Variants in ASCC3 observed in about 807,000 individuals in gnomAD.
ASCC3 encodes the protein activating signal cointegrator 1 complex subunit 3.
ASCC3 carries 158 observed loss-of-function variants against 256.3 expected under a neutral mutation model. That is an observed-to-expected ratio of 0.62 (90% CI 0.54 to 0.70). ASCC3 has a LOEUF of 0.70. Ranked by LOEUF, ASCC3 falls within the 30% of genes least tolerant of loss-of-function variation. The pLI is 0.00. For missense variants in ASCC3, 2,259 were observed against 2,626.0 expected (o/e 0.86, Z 3.05); for synonymous variants, 948 against 883.4 (o/e 1.07, Z -1.30).
chr6:100,609,769 G>T (rs1773300015), intron 30 of ASCC3, among the ~76,000 whole-genome samples: 1 of 151,948 alleles, frequency 6.6e-6, no homozygotes, highest in Non-Finnish European at 1.5e-5. Context: ...AAATTAGCTG[G>T]GCATGGTGGT....
chr6:100,787,699 T>C (rs946867962), intron 8 of ASCC3, among the ~76,000 whole-genome samples: 8 of 152,110 alleles, frequency 5.3e-5, no homozygotes, highest in Non-Finnish European at 7.4e-5. Context: ...AACAAACGTT[T>C]AACAAACATG....
At chr6:100,730,801 T>C (rs1436377938) in intron 10 of ASCC3, among the ~76,000 whole-genome samples, 2 of 152,192 alleles carry the variant, frequency 1.3e-5, no homozygotes, top group Non-Finnish European at 2.9e-5. Flanking sequence ...ACAAATCAGT[T>C]AGTTCCACTC....
intron 36 of ASCC3, among the ~76,000 whole-genome samples, chr6:100,569,664 G>A (rs533367696): frequency 2.0e-5 from 3 of 152,252 alleles, no homozygotes; most frequent in African/African-American, 4.8e-5. Context: ...GATTACAGGC[G>A]TGGCGCGGTC....
intron 8 of ASCC3, among the ~76,000 whole-genome samples, chr6:100,774,847 G>T (rs1782112552): frequency 6.6e-6 from 1 of 152,084 alleles, no homozygotes; most frequent in Non-Finnish European, 1.5e-5. Flanking sequence ...TTTAAAATTA[G>T]ATTACATCAT....
At chr6:100,697,256 C>T in intron 13 of ASCC3, among the ~76,000 whole-genome samples, 1 of 151,674 alleles carries the variant, frequency 6.6e-6, no homozygotes. Flanking sequence ...AAAATAGTAC[C>T]TAGTTAACAA....
Position 100,659,906 on chromosome 6 carries a change from A to G in ASCC3, c.2703+1900T>C, listed in dbSNP as rs530833665. Among the ~76,000 whole-genome samples, 3 of 151,648 alleles carry G rather than the reference A, an allele frequency of 2.0e-5. No homozygotes were observed. In the South Asian group the frequency reaches 6.2e-4, roughly 31 times the overall value. On this transcript the variant is annotated intron_variant, in intron 16 of 41. Coordinates refer to ENST00000369162, the MANE Select transcript of ASCC3 (RefSeq NM_006828.4). ...TTCTTTCACCTTACATACTACATAC[A>G]TTTTTTATACAGAGTTCATCCCATC...
In ASCC3 at chr6:100,608,097, C is replaced by CATATATATACATATATATGTATATAT. The variant is rs1391815541; in HGVS notation, c.4786-1010_4786-1009insATATATACATATATATGTATATATAT. Among the ~76,000 whole-genome samples, 17 of 45,010 alleles carry CATATATATACATATATATGTATATAT rather than the reference C, an allele frequency of 3.8e-4. 1 individual carries two copies. Among genetic ancestry groups the CATATATATACATATATATGTATATAT allele is most frequent in the Non-Finnish European group, 5.7e-4 (14 of 24,528 alleles). The allele number at this position is 45,010 out of a possible 152,430, so 29.5% of individuals were successfully genotyped here. ...ATATATATGTATATATATCTATATACACATATATATGTATATATATCTATA... is the reference window on the plus strand; with the variant it reads ...ATATATATGTATATATATCTATATACATATATATACATATATATGTATATATACATATATATGTATATATATCTATA... On this transcript the variant is annotated intron_variant, in intron 30 of 41. Coordinates refer to ENST00000369162, the MANE Select transcript of ASCC3 (RefSeq NM_006828.4).
At chr6:100,710,635 T>G (rs1483838483) in intron 13 of ASCC3, among the ~76,000 whole-genome samples, 1 of 152,146 alleles carries the variant, frequency 6.6e-6, no homozygotes, top group East Asian at 1.9e-4. Flanking sequence ...GGGGGCATCT[T>G]AGTCCCTACT....
intron 4 of ASCC3, among the ~76,000 whole-genome samples, chr6:100,816,947 A>G (rs1028969811): frequency 1.3e-5 from 2 of 152,056 alleles, no homozygotes; most frequent in African/African-American, 4.8e-5. Context: ...AATTAAAAAA[A>G]AAAGAAATAT....
At chr6:100,553,641 T>A (rs1317479842) in intron 36 of ASCC3, among the ~76,000 whole-genome samples, 1 of 152,088 alleles carries the variant, frequency 6.6e-6, no homozygotes, top group East Asian at 1.9e-4. Context: ...ATGACAGTGA[T>A]CGACAACCTA....
chr6:100,773,648 T>C (rs1486271802), intron 8 of ASCC3, among the ~76,000 whole-genome samples: 1 of 152,184 alleles, frequency 6.6e-6, no homozygotes, highest in East Asian at 1.9e-4. Flanking sequence ...GTCTTTTATA[T>C]GTATTTCTGA....
chr6:100,652,203 T>C (rs553063538), intron 18 of ASCC3, among the ~76,000 whole-genome samples: 1 of 152,228 alleles, frequency 6.6e-6, no homozygotes, highest in East Asian at 1.9e-4. Flanking sequence ...GTTTAGGATA[T>C]AGAGTGGTAG....
At chr6:100,648,303 A>T (rs1220524180) in intron 20 of ASCC3, among the ~76,000 whole-genome samples, 1 of 152,070 alleles carries the variant, frequency 6.6e-6, no homozygotes, top group Non-Finnish European at 1.5e-5. Flanking sequence ...AACTTTGCAG[A>T]TTGTTTTATT....
intron 8 of ASCC3, among the ~76,000 whole-genome samples, chr6:100,783,451 T>C (rs1782540528): frequency 6.6e-6 from 1 of 152,204 alleles, no homozygotes; most frequent in African/African-American, 2.4e-5. Flanking sequence ...TGCTGTTATC[T>C]AAAATGTATC....
intron 22 of ASCC3, among the ~76,000 whole-genome samples, chr6:100,645,633 C>T (rs1775342440): frequency 6.6e-6 from 1 of 152,068 alleles, no homozygotes; most frequent in South Asian, 2.1e-4. Flanking sequence ...AAGAACTGAG[C>T]CTCACTTGCC....
intron 14 of ASCC3, among the ~76,000 whole-genome samples, chr6:100,667,717 G>A (rs374460160): frequency 3.3e-5 from 5 of 152,048 alleles, no homozygotes; most frequent in African/African-American, 1.2e-4. Context: ...CTGAATATAC[G>A]ATAAGGTAAA....
intron 36 of ASCC3, among the ~76,000 whole-genome samples, chr6:100,580,773 C>T (rs1290918986): frequency 1.4e-5 from 2 of 144,246 alleles, no homozygotes; most frequent in African/African-American, 5.1e-5. Context: ...TGATGTTCCC[C>T]TTCCTGTGTC....
chr6:100,650,543 C>T lies in ASCC3; in HGVS notation c.3247G>A (p.Ala1083Thr). ...GAAGGGAATAAGATACTTACCTGTG[C>T]AACATATGCAGAATCTGATATAAGG... ...FSLISDSAYV[A>T]QNAARIVRAL... The change falls in exon 20 of 42, where the codon GCA (alanine) becomes ACA (threonine). Residue 1083 changes from alanine (A) to threonine (T), a missense_variant. Ala to Thr is a moderately conservative substitution (Grantham distance 58). This residue lies in a region of ASCC3 where 1,839 missense variants were observed against 2,206.7 expected (regional missense o/e 0.83). Transcript: ENST00000369162. The T allele has an allele frequency of 6.2e-7, 1 of 1,612,438 alleles. No individual in the cohort carries two copies. The highest frequency in any genetic ancestry group is 8.5e-7 in the Non-Finnish European group (1 of 1,178,850).
chr6:100,848,046 G>A lies in ASCC3; in HGVS notation c.801+102C>T. ...TGGCTATAGATTCAACTACTATACA[G>A]AACATTAAAGAACTTTCTTTGCTAA... On this transcript the variant is annotated intron_variant, in intron 4 of 41. Transcript: ENST00000369162. The A allele has an allele frequency of 3.4e-6, 4 of 1,175,648 alleles. No individual in the cohort carries two copies. The South Asian group carries it at 6.6e-5, about 19-fold the overall frequency. The allele number at this position is 1,175,648 out of a possible 1,614,324, so 72.8% of individuals were successfully genotyped here. A position where few individuals can be genotyped will look rare whatever the true frequency, so the allele number is the denominator to read the frequency against.
Sources: gnomAD v4.1 joint callset for allele counts (sites outside exome capture counted in the v4.1 genomes callset) on GRCh38, gnomAD v4.1.1 for gene constraint, gnomAD v4.1.1 regional missense constraint, MANE v1.5 for transcripts, NCBI Gene and HGNC (gene_info 2026-07-23, HGNC 2026-07-21) for gene names.